The following STYK1 variants were observed in gnomAD, a reference collection of about 807,000 sequenced individuals.
STYK1 encodes STY kinase 1.
Under a neutral mutation model 48.1 loss-of-function variants are expected in STYK1, and 46 were observed. That is an observed-to-expected ratio of 0.96 (90% CI 0.75 to 1.22). The LOEUF (loss-of-function observed/expected upper bound fraction) is 1.22. Ranked by LOEUF, STYK1 falls within the 50% of genes most tolerant of loss-of-function variation. The pLI, the probability that STYK1 is intolerant of heterozygous loss-of-function variation, is 0.00. For synonymous variants in STYK1, 188 were observed against 189.0 expected (o/e 0.99, Z 0.04); for missense variants, 527 against 521.1 (o/e 1.01, Z -0.11).
Position 10,638,554 on chromosome 12 carries a change from C to T in STYK1, c.-194-1358G>A, listed in dbSNP as rs1947510492. On this transcript the variant is annotated intron_variant, in intron 1 of 10. Transcript: ENST00000075503. ...TATTAATTCTAAACTTTTACACATA[C>T]AATACAAGCATAGTGTCACACTGCA... is the stretch of plus-strand genomic sequence containing the variant. Among the ~76,000 whole-genome samples the T allele has an allele frequency of 5.3e-5, 8 of 152,164 alleles. No individual in the cohort carries two copies. In the South Asian group the frequency reaches 1.7e-3, roughly 32 times the overall value.
At chr12:10,647,071 T>C (rs1165453636) in intron 1 of STYK1, among the ~76,000 whole-genome samples, 1 of 152,192 alleles carries the variant, frequency 6.6e-6, no homozygotes, top group Non-Finnish European at 1.5e-5. Flanking sequence ...AGAAGGGAAA[T>C]GTGGGGTCGA....
chr12:10,648,250 C>A (rs1947622361), intron 1 of STYK1, among the ~76,000 whole-genome samples: 1 of 151,886 alleles, frequency 6.6e-6, no homozygotes. Flanking sequence ...GGGAAAAAAG[C>A]TAGATGCTTT....
chr12:10,642,596 C>CA (rs1212661194), intron 1 of STYK1, among the ~76,000 whole-genome samples: 7 of 151,932 alleles, frequency 4.6e-5, no homozygotes, highest in Admixed American at 3.9e-4. Flanking sequence ...CAAAATGAAA[C>CA]AAAAAATCTT....
intron 1 of STYK1, among the ~76,000 whole-genome samples, chr12:10,649,238 G>C (rs1417460322): frequency 1.3e-5 from 2 of 151,982 alleles, no homozygotes; most frequent in African/African-American, 4.8e-5. Flanking sequence ...CCAAATTCAG[G>C]GGATATACAT....
chr12:10,634,230 T>G (rs1022209389), intron 3 of STYK1, 106 bp from the exon 4 acceptor site: 3 of 1,309,710 alleles, frequency 2.3e-6, no homozygotes, highest in Non-Finnish European at 3.2e-6. Context: ...CATGAAAAGG[T>G]CATCTCTTCT....
chr12:10,646,643 G>C lies in STYK1; in HGVS notation c.-194-9447C>G, dbSNP rs549827023. On this transcript the variant is annotated intron_variant, in intron 1 of 10. Coordinates refer to ENST00000075503, the MANE Select transcript of STYK1 (RefSeq NM_018423.3). The stretch of plus-strand genomic sequence containing the variant: ...CTGCAGAAATTTGCATAAGTAACAA[G>C]GAGCCAAATGTTAATCACCAAGACA... Among the ~76,000 whole-genome samples, 5 of 152,364 alleles carry C rather than the reference G, an allele frequency of 3.3e-5. No individual in the cohort carries two copies. In the East Asian group the frequency reaches 9.6e-4, roughly 29 times the overall value.
chr12:10,648,749 A>T (rs74754248), intron 1 of STYK1, among the ~76,000 whole-genome samples: 1 of 151,874 alleles, frequency 6.6e-6, no homozygotes, highest in African/African-American at 2.4e-5. Context: ...ATTTTTTTGT[A>T]AAGATGGGGC....
chr12:10,668,496 C>T (rs1947858030), intron 1 of STYK1, among the ~76,000 whole-genome samples: 1 of 150,668 alleles, frequency 6.6e-6, no homozygotes, highest in East Asian at 1.9e-4. Context: ...CTGCCTCAGC[C>T]TCCCGAGTAG....
chr12:10,655,484 A>G (rs530710655), intron 1 of STYK1, among the ~76,000 whole-genome samples: 2 of 152,314 alleles, frequency 1.3e-5, no homozygotes, highest in South Asian at 2.1e-4. Flanking sequence ...CCTTTTCACA[A>G]TGGCATCCCT....
rs1007758910 is a variant in STYK1 at position 10,672,407 on chromosome 12, C to G, written c.-195+1559G>C. Among the ~76,000 whole-genome samples, 4 of 152,092 alleles carry G rather than the reference C, an allele frequency of 2.6e-5. No homozygotes were observed. Among genetic ancestry groups the G allele is most frequent in the African/African-American group, 9.7e-5 (4 of 41,428 alleles). On this transcript the variant is annotated intron_variant, in intron 1 of 10. Transcript: ENST00000075503. The surrounding 1 kb of genome is among the most constrained non-coding windows in gnomAD (Gnocchi z 4.0). ...TTAGATTTTCTTTCTTTTTCTTCCT[C>G]TTGTATTTTTGGTAGAGATGGGTTT...
At chr12:10,639,172 C>T (rs1947517336) in intron 1 of STYK1, among the ~76,000 whole-genome samples, 1 of 152,058 alleles carries the variant, frequency 6.6e-6, no homozygotes, top group Admixed American at 6.6e-5. Flanking sequence ...AAACAAAAAA[C>T]ATGTTTAATG....
chr12:10,668,653 C>T (rs1261790889), intron 1 of STYK1, among the ~76,000 whole-genome samples: 1 of 150,884 alleles, frequency 6.6e-6, no homozygotes, highest in Non-Finnish European at 1.5e-5. Context: ...CCTCAGCCTC[C>T]CAAAGTGTTG....
intron 6 of STYK1, among the ~76,000 whole-genome samples, chr12:10,628,710 G>A (rs895882281): frequency 1.3e-5 from 2 of 151,980 alleles, no homozygotes; most frequent in Non-Finnish European, 1.5e-5. Context: ...ATAGAACAAG[G>A]GAAATTTTAA....
intron 7 of STYK1, among the ~76,000 whole-genome samples, chr12:10,626,444 A>G (rs2120614433): frequency 6.6e-6 from 1 of 152,222 alleles, no homozygotes; most frequent in East Asian, 1.9e-4. Flanking sequence ...TTCAACCATA[A>G]CTATTACTCT....
At chr12:10,659,409 A>T (rs527778997) in intron 1 of STYK1, among the ~76,000 whole-genome samples, 2 of 152,312 alleles carry the variant, frequency 1.3e-5, no homozygotes, top group African/African-American at 4.8e-5. Flanking sequence ...AACTGGATAA[A>T]CTGTTTTTAT....
intron 1 of STYK1, among the ~76,000 whole-genome samples, chr12:10,650,061 G>C (rs780569752): frequency 2.1e-4 from 28 of 131,786 alleles, no homozygotes; most frequent in Non-Finnish European, 3.9e-4. Context: ...GCAGTGAGCC[G>C]AGATCGCACC....
In STYK1 at chr12:10,622,682, T is replaced by TA; in HGVS notation, c.927-5dup. The TA allele has an allele frequency of 6.2e-7, 1 of 1,613,876 alleles. No homozygotes were observed. The highest frequency in any genetic ancestry group is 8.5e-7 in the Non-Finnish European group (1 of 1,179,866). On this transcript the variant is annotated splice_region_variant and splice_polypyrimidine_tract_variant and intron_variant, in intron 8 of 10. Transcript: ENST00000075503. ...GAGCAGGATCCCAAAAGACCAGCTG[T>TA]AAAAGAAACAAAGCCATCTATTTAA... is the stretch of plus-strand genomic sequence containing the variant.
chr12:10,639,615 T>C (rs1591686258), intron 1 of STYK1, among the ~76,000 whole-genome samples: 1 of 152,140 alleles, frequency 6.6e-6, no homozygotes, highest in Admixed American at 6.5e-5. Flanking sequence ...GGTTTTATCA[T>C]GTTGGCCAGG....
At chr12:10,641,927 T>C (rs1036784388) in intron 1 of STYK1, among the ~76,000 whole-genome samples, 7 of 152,194 alleles carry the variant, frequency 4.6e-5, no homozygotes, top group African/African-American at 1.7e-4. Flanking sequence ...GAGTGAGAGA[T>C]TGGAAGTTCT....
Sources: allele counts gnomAD v4.1 joint callset (sites outside exome capture counted in the v4.1 genomes callset), GRCh38; gene constraint gnomAD v4.1.1; non-coding constraint Gnocchi (gnomAD v3.1); transcripts MANE v1.5; gene names NCBI Gene and HGNC (gene_info 2026-07-23, HGNC 2026-07-21).